The following TIMP3 variants were observed in gnomAD, a reference collection of about 807,000 sequenced individuals.
TIMP3 encodes TIMP metallopeptidase inhibitor 3.
A neutral mutation model predicts 30.0 loss-of-function variants in TIMP3; 11 were observed. The observed-to-expected ratio is 0.37, with a 90% CI of 0.23 to 0.61. The LOEUF is 0.61. Among genes scored for constraint, TIMP3 ranks in the 20% least tolerant of loss-of-function variants. The pLI is 0.70. For missense variants in TIMP3, 181 were observed against 276.8 expected (o/e 0.65, Z 2.45); for synonymous variants, 112 against 111.3 (o/e 1.01, Z -0.04).
At chr22:32,843,741 G>T (rs1569269554) in intron 1 of TIMP3, among the ~76,000 whole-genome samples, 1 of 152,158 alleles carries the variant, frequency 6.6e-6, no homozygotes, top group African/African-American at 2.4e-5. Context: ...GAGCCTGCCT[G>T]CTGGGGTCCC....
At chr22:32,806,956 C>T (rs1369604664) in intron 1 of TIMP3, among the ~76,000 whole-genome samples, 1 of 151,958 alleles carries the variant, frequency 6.6e-6, no homozygotes, top group Non-Finnish European at 1.5e-5. Flanking sequence ...AATAGTAGAA[C>T]ATTAAACATC....
In TIMP3 at chr22:32,801,992, A is replaced by T. The variant is rs1205570462; in HGVS notation, c.-10A>T. The T allele has an allele frequency of 6.3e-7, 1 of 1,583,620 alleles. No individual in the cohort carries two copies. The highest frequency in any genetic ancestry group is 8.5e-7 in the Non-Finnish European group (1 of 1,171,584). On this transcript the variant is annotated 5_prime_UTR_variant, in exon 1 of 5. Transcript: ENST00000266085. This position sits in a 1 kb window ranked among gnomAD's most constrained non-coding sequence, Gnocchi z 4.7. ...GAGCAGCAGCCCCGGCAGCGGCGGC[A>T]GCAGCGGCAATGACCCCTTGGCTCG...
intron 1 of TIMP3, among the ~76,000 whole-genome samples, chr22:32,818,145 T>C (rs2047137446): frequency 6.6e-6 from 1 of 152,176 alleles, no homozygotes; most frequent in Admixed American, 6.5e-5. Context: ...AGTCTGAAAT[T>C]GTCTGAAAAT....
intron 1 of TIMP3, among the ~76,000 whole-genome samples, chr22:32,827,377 G>A (rs1313288510): frequency 2.6e-5 from 4 of 152,194 alleles, no homozygotes; most frequent in Admixed American, 6.5e-5. Flanking sequence ...ACCCTACCCC[G>A]TTTCCTTGAA....
chr22:32,852,772 G>A (rs1399342453), intron 2 of TIMP3, among the ~76,000 whole-genome samples: 2 of 152,170 alleles, frequency 1.3e-5, no homozygotes, highest in Admixed American at 1.3e-4. Flanking sequence ...GTGTTAGAAT[G>A]TTGAGAGAGC....
At chr22:32,832,601 A>G (rs1173556714) in intron 1 of TIMP3, among the ~76,000 whole-genome samples, 1 of 150,318 alleles carries the variant, frequency 6.7e-6, no homozygotes, top group Non-Finnish European at 1.5e-5. Context: ...ACAGTTATTT[A>G]GTAGAGTACG....
intron 1 of TIMP3, among the ~76,000 whole-genome samples, chr22:32,830,384 G>C (rs2047537534): frequency 6.6e-6 from 1 of 152,126 alleles, no homozygotes; most frequent in Non-Finnish European, 1.5e-5. Flanking sequence ...CTGAAAAGAA[G>C]TTACATGCTT....
rs1182484453 is a variant in TIMP3 at position 32,860,397 on chromosome 22, C to T, written c.*1020C>T. 2.0e-5 allele frequency: 3 copies of T among 152,576 alleles called. No homozygotes were observed. Among genetic ancestry groups the T allele is most frequent in the African/African-American group, 7.2e-5 (3 of 41,410 alleles). 9.5% of individuals were successfully genotyped at this position (152,576 alleles called of 1,614,324 possible). A position where few individuals can be genotyped will look rare whatever the true frequency, so the allele number is the denominator to read the frequency against. On this transcript the variant is annotated 3_prime_UTR_variant, in exon 5 of 5. Transcript: ENST00000266085. ...TGTTTGTATACACATTTGCATATAC[C>T]CACATGGGGACATAAGCTAATTTTT...
intron 1 of TIMP3, among the ~76,000 whole-genome samples, chr22:32,832,803 C>T (rs1371086756): frequency 6.6e-6 from 1 of 152,094 alleles, no homozygotes; most frequent in African/African-American, 2.4e-5. Context: ...TACTGGCTTC[C>T]TGCAGCCTCA....
chr22:32,825,993 G>T (rs1441115568), intron 1 of TIMP3, among the ~76,000 whole-genome samples: 3 of 152,152 alleles, frequency 2.0e-5, no homozygotes, highest in Admixed American at 6.5e-5. Context: ...AAGTCTTGAA[G>T]GTAATATAAA....
Position 32,802,130 on chromosome 22 carries a change from C to T in TIMP3, c.121+8C>T, listed in dbSNP as rs1327928164. 2.5e-6 allele frequency: 4 copies of T among 1,578,274 alleles called. No individual in the cohort carries two copies. The highest frequency in any genetic ancestry group is 2.3e-5 in the South Asian group (2 of 87,122). On this transcript the variant is annotated splice_region_variant and intron_variant, in intron 1 of 4. Coordinates refer to ENST00000266085, the MANE Select transcript of TIMP3 (RefSeq NM_000362.5). ...TCTGCAACTCCGACATCGGTAAGCG[C>T]TCCTGGTGCCCCGCCCGAGCCCCAC...
At chr22:32,825,582 C>T (rs1042763049) in intron 1 of TIMP3, among the ~76,000 whole-genome samples, 3 of 135,938 alleles carry the variant, frequency 2.2e-5, no homozygotes, top group African/African-American at 5.4e-5. Flanking sequence ...CACTTGAACC[C>T]GCAAGGCAGA....
In TIMP3 at chr22:32,861,939, A is replaced by C. The variant is rs952431348; in HGVS notation, c.*2562A>C. Reference sequence around the variant, plus strand: ...TGTTTAAGAGAAAAATGAAACCCACATGCCGCCATTTTCCTGAATCAAATT... The same window carrying C: ...TGTTTAAGAGAAAAATGAAACCCACCTGCCGCCATTTTCCTGAATCAAATT... On this transcript the variant is annotated 3_prime_UTR_variant, in exon 5 of 5. Transcript: ENST00000266085. 1.3e-5 allele frequency: 2 copies of C among 152,616 alleles called. No homozygotes were observed. Among genetic ancestry groups the C allele is most frequent in the Non-Finnish European group, 2.9e-5 (2 of 68,032 alleles). The allele number at this position is 152,616 out of a possible 1,614,324, so 9.5% of individuals were successfully genotyped here. A position where few individuals can be genotyped will look rare whatever the true frequency, so the allele number is the denominator to read the frequency against.
chr22:32,827,075 G>A (rs1191355993), intron 1 of TIMP3, among the ~76,000 whole-genome samples: 1 of 152,172 alleles, frequency 6.6e-6, no homozygotes, highest in South Asian at 2.1e-4. Context: ...TGACCTCGCA[G>A]GGGCCCACTC....
At chr22:32,812,000 T>G (rs886178714) in intron 1 of TIMP3, among the ~76,000 whole-genome samples, 1 of 152,152 alleles carries the variant, frequency 6.6e-6, no homozygotes, top group Non-Finnish European at 1.5e-5. Flanking sequence ...CAGTGTGGCA[T>G]GGAGGAGGAG....
chr22:32,846,476 G>A (rs1459911151), intron 1 of TIMP3, among the ~76,000 whole-genome samples: 1 of 152,212 alleles, frequency 6.6e-6, no homozygotes, highest in African/African-American at 2.4e-5. Flanking sequence ...GCTAATAACA[G>A]TGGTAGCAAA....
intron 1 of TIMP3, among the ~76,000 whole-genome samples, chr22:32,819,636 A>G (rs988986891): frequency 2.6e-5 from 4 of 152,172 alleles, no homozygotes; most frequent in Admixed American, 1.3e-4. Flanking sequence ...CCCTCTTGGC[A>G]TAGATCTGCC....
rs889537207 is a variant in TIMP3 at position 32,819,399 on chromosome 22, T to C, written c.121+17277T>C. Among the ~76,000 whole-genome samples the C allele has an allele frequency of 4.6e-5, 7 of 152,238 alleles. No individual in the cohort carries two copies. The East Asian group carries it at 9.6e-4, about 21-fold the overall frequency. On this transcript the variant is annotated intron_variant, in intron 1 of 4. Coordinates refer to ENST00000266085, the MANE Select transcript of TIMP3 (RefSeq NM_000362.5). ...CCGGCCCCATATTGGAGGCCAAACA[T>C]GTAGAAGGGTGTATCTCATTTTTTA...
chr22:32,820,909 G>A (rs1009852201), intron 1 of TIMP3, among the ~76,000 whole-genome samples: 6 of 152,158 alleles, frequency 3.9e-5, no homozygotes, highest in Non-Finnish European at 8.8e-5. Flanking sequence ...TTCTCTCACT[G>A]CTTATTTTAT....
Sources: gnomAD v4.1 joint callset for allele counts (sites outside exome capture counted in the v4.1 genomes callset) on GRCh38, gnomAD v4.1.1 for gene constraint, Gnocchi (gnomAD v3.1) non-coding constraint, MANE v1.5 for transcripts, NCBI Gene and HGNC (gene_info 2026-07-23, HGNC 2026-07-21) for gene names.